The following TMEM178B variants were observed in gnomAD, a reference collection of about 807,000 sequenced individuals.
The protein encoded by TMEM178B is transmembrane protein 178B.
TMEM178B carries 5 observed loss-of-function variants against 31.0 expected under a neutral mutation model. The ratio of observed to expected loss-of-function variants is 0.16; its 90% CI spans 0.08 to 0.34. The LOEUF is 0.34. Among genes scored for constraint, TMEM178B ranks in the 10% least tolerant of loss-of-function variants. TMEM178B has a pLI of 1.00. For missense variants in TMEM178B, 275 were observed against 400.3 expected, an observed-to-expected ratio of 0.69 and a Z score of 2.67; for synonymous variants, 164 against 164.0, an observed-to-expected ratio of 1.00 and a Z score of 0.00.
chr7:141,204,364 T>G (rs1796928886), intron 1 of TMEM178B, among the ~76,000 whole-genome samples: 1 of 152,178 alleles, frequency 6.6e-6, no homozygotes, highest in Non-Finnish European at 1.5e-5. Context: ...ACCCCCTTAG[T>G]TGAGAGCTGC....
At chr7:141,509,568 T>C in the TMEM178B span, among the ~76,000 whole-genome samples, 2 of 152,210 alleles carry the variant, frequency 1.3e-5, no homozygotes, top group Non-Finnish European at 2.9e-5. Context: ...CAGAATCGCA[T>C]GAACCTGGGA....
At chr7:141,469,859 G>C (rs556896553) in intron 3 of TMEM178B, among the ~76,000 whole-genome samples, 2 of 152,008 alleles carry the variant, frequency 1.3e-5, no homozygotes, top group South Asian at 4.1e-4. Flanking sequence ...AAGTAGGGTA[G>C]ATGAGTTACC....
intron 2 of TMEM178B, among the ~76,000 whole-genome samples, chr7:141,300,333 A>G (rs1293338457): frequency 6.6e-6 from 1 of 152,096 alleles, no homozygotes; most frequent in Non-Finnish European, 1.5e-5. Flanking sequence ...CTTGTAGGAC[A>G]TGTCCTCATG....
At chr7:141,507,410 T>A in the TMEM178B span, among the ~76,000 whole-genome samples, 1 of 152,208 alleles carries the variant, frequency 6.6e-6, no homozygotes, top group Admixed American at 6.5e-5. Flanking sequence ...TTCACTCTTG[T>A]TGCTCAGGCT....
At chr7:141,387,631 C>T (rs1418386340) in intron 2 of TMEM178B, among the ~76,000 whole-genome samples, 1 of 152,176 alleles carries the variant, frequency 6.6e-6, no homozygotes, top group Non-Finnish European at 1.5e-5. Context: ...ATTTAGCAGA[C>T]TCCTTTTAAT....
At chr7:141,446,714 C>T (rs920324110) in intron 3 of TMEM178B, among the ~76,000 whole-genome samples, 1 of 152,102 alleles carries the variant, frequency 6.6e-6, no homozygotes, top group African/African-American at 2.4e-5. Context: ...ATTTTTCATG[C>T]CTTGCTTCAA....
intron 2 of TMEM178B, among the ~76,000 whole-genome samples, chr7:141,247,433 A>G (rs1046338837): frequency 1.3e-5 from 2 of 152,182 alleles, no homozygotes; most frequent in African/African-American, 4.8e-5. Flanking sequence ...ACAGTAGTCC[A>G]TCCCCAGACC....
intron 2 of TMEM178B, among the ~76,000 whole-genome samples, chr7:141,249,916 AGAT>A: frequency 6.6e-6 from 1 of 152,342 alleles, no homozygotes; most frequent in South Asian, 2.1e-4. Context: ...GCTTTAGTGG[AGAT>A]GATTAATTCA....
intron 2 of TMEM178B, among the ~76,000 whole-genome samples, chr7:141,234,918 C>T (rs571979014): frequency 1.1e-4 from 17 of 152,228 alleles, no homozygotes; most frequent in Non-Finnish European, 1.6e-4. Flanking sequence ...TTGCTGGCAG[C>T]GGGGGTAGCA....
chr7:141,155,706 G>A (rs962913329), intron 1 of TMEM178B, among the ~76,000 whole-genome samples: 2 of 152,096 alleles, frequency 1.3e-5, no homozygotes, highest in African/African-American at 4.8e-5. Context: ...CCCAGGCAGG[G>A]CCATTTTCTT....
At chr7:141,441,594 G>A (rs992157127) in intron 3 of TMEM178B, among the ~76,000 whole-genome samples, 33 of 152,164 alleles carry the variant, frequency 2.2e-4, no homozygotes, top group African/African-American at 7.0e-4. Flanking sequence ...GCAGTGCCTG[G>A]AGCTGGCCAG....
In TMEM178B at chr7:141,478,764, AG is replaced by A. The variant is rs1016400032; in HGVS notation, c.*7979del. The A allele has an allele frequency of 7.9e-5, 12 of 152,084 alleles. No individual in the cohort carries two copies. The highest frequency in any genetic ancestry group is 2.9e-4 in the African/African-American group (12 of 41,380). The allele number at this position is 152,084 out of a possible 1,614,324, so 9.4% of individuals were successfully genotyped here. ...CTCAGTCTGGCCCAGCCCTATTTCC[AG>A]TGTTCAATAGCCACACCTGACTACT... On this transcript the variant is annotated 3_prime_UTR_variant, in exon 4 of 4. Coordinates refer to ENST00000565468, the MANE Select transcript of TMEM178B (RefSeq NM_001195278.2).
At chr7:141,427,380 GAGAGCCCAGAAATAA>G (rs1801338174) in intron 2 of TMEM178B, among the ~76,000 whole-genome samples, 1 of 152,150 alleles carries the variant, frequency 6.6e-6, no homozygotes, top group African/African-American at 2.4e-5. Context: ...GAACAGAATA[GAGAGCCCAGAAATAA>G]AGCCACATGT....
At chr7:141,506,688 A>G in the TMEM178B span, among the ~76,000 whole-genome samples, 2 of 152,100 alleles carry the variant, frequency 1.3e-5, no homozygotes, top group South Asian at 4.1e-4. Flanking sequence ...TTATGTCCTC[A>G]CATTTCAAAA....
intron 1 of TMEM178B, among the ~76,000 whole-genome samples, chr7:141,087,639 T>C (rs1586760907): frequency 1.3e-5 from 2 of 152,186 alleles, no homozygotes; most frequent in Admixed American, 6.5e-5. Context: ...AAGGTGAGAA[T>C]TGATAAAAAA....
chr7:141,430,750 TTCTC>T (rs150063399), intron 2 of TMEM178B, among the ~76,000 whole-genome samples: 13 of 151,582 alleles, frequency 8.6e-5, no homozygotes, highest in African/African-American at 3.1e-4. Context: ...TCATTGCAGA[TTCTC>T]TCTCTCTCTC....
intron 1 of TMEM178B, among the ~76,000 whole-genome samples, chr7:141,137,082 G>C (rs1036430810): frequency 6.6e-6 from 1 of 152,128 alleles, no homozygotes; most frequent in Admixed American, 6.5e-5. Context: ...GGGGGATGTG[G>C]AGAAAAGGGA....
chr7:141,157,869 C>G (rs1313152846), intron 1 of TMEM178B, among the ~76,000 whole-genome samples: 1 of 152,126 alleles, frequency 6.6e-6, no homozygotes, highest in Non-Finnish European at 1.5e-5. Flanking sequence ...GGAGGCCCTT[C>G]CACCCTGCTT....
At chr7:141,332,694 A>G (rs1284273592) in intron 2 of TMEM178B, among the ~76,000 whole-genome samples, 1 of 152,268 alleles carries the variant, frequency 6.6e-6, no homozygotes, top group Non-Finnish European at 1.5e-5. Flanking sequence ...CATGAAATGC[A>G]GATCAGTTTG....
Sources: gnomAD v4.1 joint callset for allele counts (sites outside exome capture counted in the v4.1 genomes callset) on GRCh38, gnomAD v4.1.1 for gene constraint, MANE v1.5 for transcripts, NCBI Gene and HGNC (gene_info 2026-07-23, HGNC 2026-07-21) for gene names.